RTN2: variants seen among roughly 807,000 people sequenced by gnomAD.
RTN2 encodes reticulon 2.
In RTN2, 36 loss-of-function variants were observed where a neutral mutation model predicts 63.7. The ratio of observed to expected loss-of-function variants is 0.56; its 90% confidence interval spans 0.43 to 0.75. RTN2 has a LOEUF of 0.75. RTN2 is among the 30% of genes least tolerant of loss of function. The pLI, the probability that RTN2 is intolerant of heterozygous loss-of-function variation, is 0.00. For synonymous variants in RTN2, 312 were observed against 313.0 expected (o/e 1.00, Z 0.03); for missense variants, 673 against 705.1 (o/e 0.95, Z 0.52).
chr19:45,491,898 G>C (rs1340211520), intron 5 of RTN2, among the ~76,000 whole-genome samples: 1 of 151,754 alleles, frequency 6.6e-6, no homozygotes, highest in Non-Finnish European at 1.5e-5. Flanking sequence ...CAAAGTGTTG[G>C]GATTACAGGC....
At chr19:45,489,653 C>G in intron 5 of RTN2, 100 bp from the exon 6 acceptor site, 1 of 750,378 alleles carries the variant, frequency 1.3e-6, no homozygotes, top group Non-Finnish European at 2.2e-6. Context: ...CTCGACACAC[C>G]TGTTTGAGCA....
Position 45,486,099 on chromosome 19 carries a change from T to A in RTN2, c.1512A>T (p.Gln504His), listed in dbSNP as rs903167429. Reference sequence around the variant, plus strand: ...ACTGATTGGTCACCAACCCCACATATTGGTCGATCTGAGCCTGGGGAGACC... The same window carrying A: ...ACTGATTGGTCACCAACCCCACATAATGGTCGATCTGAGCCTGGGGAGACC... ...LYRQHQAQIDQYVGLVTNQLS... is the reference protein window; with the variant it reads ...LYRQHQAQIDHYVGLVTNQLS... The change falls in exon 10 of 11, where the codon CAA becomes CAT. Residue 504 changes from glutamine (Q) to histidine (H), a missense_variant. Transcript: ENST00000245923. 1.2e-6 allele frequency: 2 copies of A among 1,613,930 alleles called. No individual in the cohort carries two copies. The highest frequency in any genetic ancestry group is 2.7e-5 in the African/African-American group (2 of 74,888).
chr19:45,494,358 T>G lies in RTN2; in HGVS notation c.622A>C (p.Ser208Arg). Residue 208 changes from serine (S) to arginine (R), a missense_variant, in exon 4 of 11, where the codon AGT becomes CGT. Transcript: ENST00000245923. The surrounding 1 kb of genome is among the most constrained non-coding windows in gnomAD (Gnocchi z 5.3). ...SSPEVLTPQL[S>R]PGSGTPQAGT... ...GCCTGGGGTGTCCCAGAGCCCGGACTGAGCTGGGGAGTCAAGACCTCGGGC... is the reference window on the plus strand; with the variant it reads ...GCCTGGGGTGTCCCAGAGCCCGGACGGAGCTGGGGAGTCAAGACCTCGGGC... 2 of 1,614,100 alleles carry G rather than the reference T, an allele frequency of 1.2e-6. No homozygotes were observed. Among genetic ancestry groups the G allele is most frequent in the South Asian group, 2.2e-5 (2 of 91,082 alleles).
chr19:45,485,476 C>G lies in RTN2; in HGVS notation c.*232G>C, dbSNP rs962213225. ...TAGGCAACTACAAGTCCCAGCAGGC[C>G]CCGCGGCCAAGGTGCCTCGTCTTTC... is the stretch of plus-strand genomic sequence containing the variant. On this transcript the variant is annotated 3_prime_UTR_variant, in exon 11 of 11. Coordinates refer to ENST00000245923, the MANE Select transcript of RTN2 (RefSeq NM_005619.5). 1 of 559,216 alleles carries G rather than the reference C, an allele frequency of 1.8e-6. No homozygotes were observed. Among genetic ancestry groups the G allele is most frequent in the Non-Finnish European group, 3.2e-6 (1 of 311,254 alleles). The allele number at this position is 559,216 out of a possible 1,614,324, so 34.6% of individuals were successfully genotyped here. A position where few individuals can be genotyped will look rare whatever the true frequency, so the allele number is the denominator to read the frequency against.
In RTN2 at chr19:45,494,907, G is replaced by C. The variant is rs1271589894; in HGVS notation, c.178C>G (p.Arg60Gly). The change falls in exon 3 of 11, where the codon CGG becomes GGG. Residue 60 changes from arginine to glycine, a missense_variant. Coordinates refer to ENST00000245923, the MANE Select transcript of RTN2 (RefSeq NM_005619.5). This position sits in a 1 kb window ranked among gnomAD's most constrained non-coding sequence, Gnocchi z 5.3. Reference sequence around the variant, plus strand: ...GCGATGTAGGAGAAGGTCAGCTCCCGGGGGGTGCCCCAGTCCTGCGACGTG... The same window carrying C: ...GCGATGTAGGAGAAGGTCAGCTCCCCGGGGGTGCCCCAGTCCTGCGACGTG... The part of the protein sequence containing the change: ...ETTSQDWGTP[R>G]ELTFSYIAFD... The C allele has an allele frequency of 6.2e-7, 1 of 1,612,242 alleles. No homozygotes were observed. The highest frequency in any genetic ancestry group is 2.2e-5 in the East Asian group (1 of 44,874).
At chr19:45,487,158 T>G (rs1469379876) in intron 9 of RTN2, among the ~76,000 whole-genome samples, 1 of 149,984 alleles carries the variant, frequency 6.7e-6, no homozygotes, top group Non-Finnish European at 1.5e-5. Context: ...ATCCTCTTGC[T>G]TCAGCTTTCA....
At chr19:45,489,591 C>CAAG in intron 5 of RTN2, 38 bp from the exon 6 acceptor site, 1 of 1,475,608 alleles carries the variant, frequency 6.8e-7, no homozygotes, top group Non-Finnish European at 9.3e-7. Flanking sequence ...TTGTACCTGA[C>CAAG]CTGGCTGGTC....
chr19:45,491,049 G>A (rs1409020358), intron 5 of RTN2, among the ~76,000 whole-genome samples: 1 of 151,368 alleles, frequency 6.6e-6, no homozygotes, highest in African/African-American at 2.4e-5. Context: ...ATCATGCCTG[G>A]CTAATTTTTT....
chr19:45,486,195 A>G lies in RTN2; in HGVS notation c.1498-82T>C, dbSNP rs117154304. 4,862 of 1,246,316 alleles carry G rather than the reference A, an allele frequency of 3.9e-3. 15 individuals are homozygous for G. The highest frequency in any genetic ancestry group is 5.1e-3 in the Non-Finnish European group (4,401 of 857,660). The allele number at this position is 1,246,316 out of a possible 1,614,324, so 77.2% of individuals were successfully genotyped here. On this transcript the variant is annotated intron_variant, in intron 9 of 10. Coordinates refer to ENST00000245923, the MANE Select transcript of RTN2 (RefSeq NM_005619.5). ...CACATAGGAGGCTGCTTCCTCCCCAACCTCCAAATTAGGAGTTGTGAAGAG... is the reference window on the plus strand; with the variant it reads ...CACATAGGAGGCTGCTTCCTCCCCAGCCTCCAAATTAGGAGTTGTGAAGAG...
At chr19:45,485,977 G>T in intron 10 of RTN2, 78 bp downstream of exon 10, 2 of 1,431,718 alleles carry the variant, frequency 1.4e-6, no homozygotes, top group Non-Finnish European at 9.8e-7. Flanking sequence ...GGAGATTTGC[G>T]GACAGCGAGA....
Position 45,488,625 on chromosome 19 carries a change from T to A in RTN2, c.1450+12A>T, listed in dbSNP as rs1442627727. The A allele has an allele frequency of 6.2e-7, 1 of 1,613,742 alleles. No homozygotes were observed. Among genetic ancestry groups the A allele is most frequent in the African/African-American group, 1.3e-5 (1 of 74,902 alleles). On this transcript the variant is annotated intron_variant, in intron 8 of 10. Coordinates refer to ENST00000245923, the MANE Select transcript of RTN2 (RefSeq NM_005619.5). ...AAGTCCCCATTTGCCCCTTACGGCC[T>A]TCCCAGCTCACCCAGAATGAGAAGA...
In RTN2 at chr19:45,494,510, A is replaced by T; in HGVS notation, c.559+16T>A. ...CACCCCTCTTGGCTTTGGTCCCAGC[A>T]CCTCGGACATCTCACCTTCCCCAGC... On this transcript the variant is annotated intron_variant, in intron 3 of 10. Coordinates refer to ENST00000245923, the MANE Select transcript of RTN2 (RefSeq NM_005619.5). The surrounding 1 kb of genome is among the most constrained non-coding windows in gnomAD (Gnocchi z 5.3). 6.2e-7 allele frequency: 1 copy of T among 1,610,992 alleles called. No individual in the cohort carries two copies. The highest frequency in any genetic ancestry group is 8.5e-7 in the Non-Finnish European group (1 of 1,177,918).
chr19:45,494,961 C>T lies in RTN2; in HGVS notation c.124G>A (p.Glu42Lys), dbSNP rs1968242633. Residue 42 changes from glutamate to lysine, a missense_variant, in exon 3 of 11, where the codon GAA (glutamate) becomes AAA (lysine). By Grantham distance (56) the Glu-to-Lys change is moderately conservative. Transcript: ENST00000245923. This position sits in a 1 kb window ranked among gnomAD's most constrained non-coding sequence, Gnocchi z 5.3. ...SDFRELHTAR[E>K]FSEEDEEETT... ...TCCTCCTCGTCCTCCTCTGAGAATT[C>T]CCGGGCTGTGTGCAGCTCTCGAAAA... 6.2e-7 allele frequency: 1 copy of T among 1,613,836 alleles called. No individual in the cohort carries two copies. The highest frequency in any genetic ancestry group is 2.2e-5 in the East Asian group (1 of 44,878).
chr19:45,492,820 T>C (rs967936718), intron 5 of RTN2, among the ~76,000 whole-genome samples: 1 of 152,010 alleles, frequency 6.6e-6, no homozygotes, highest in Non-Finnish European at 1.5e-5. Context: ...AGGGGCCAGG[T>C]CGCCTGAGGC....
At chr19:45,490,224 A>T (rs1203558874) in intron 5 of RTN2, among the ~76,000 whole-genome samples, 1 of 151,146 alleles carries the variant, frequency 6.6e-6, no homozygotes, top group Non-Finnish European at 1.5e-5. Flanking sequence ...CTGGTCTCGA[A>T]CTCCTGACCT....
chr19:45,485,640 A>C lies in RTN2; in HGVS notation c.*68T>G. 1 of 1,307,954 alleles carries C rather than the reference A, an allele frequency of 7.6e-7. No individual in the cohort carries two copies. The highest frequency in any genetic ancestry group is 2.3e-5 in the East Asian group (1 of 43,310). The allele number at this position is 1,307,954 out of a possible 1,614,324, so 81.0% of individuals were successfully genotyped here. A position where few individuals can be genotyped will look rare whatever the true frequency, so the allele number is the denominator to read the frequency against. On this transcript the variant is annotated 3_prime_UTR_variant, in exon 11 of 11. Transcript: ENST00000245923. ...AGGAGGGGGGTGGGTGGGAACGGACAAGAGATGGAGGGGGCCAGAGGGCTG... is the reference window on the plus strand; with the variant it reads ...AGGAGGGGGGTGGGTGGGAACGGACCAGAGATGGAGGGGGCCAGAGGGCTG...
chr19:45,490,314 T>A (rs1178028958), intron 5 of RTN2, among the ~76,000 whole-genome samples: 1 of 152,164 alleles, frequency 6.6e-6, no homozygotes, highest in African/African-American at 2.4e-5. Flanking sequence ...TTCATTATTT[T>A]AAAGAGCTGC....
Position 45,494,825 on chromosome 19 carries a change from CG to C in RTN2, c.259del (p.Arg87AlafsTer29). On this transcript the variant is annotated frameshift_variant, in exon 3 of 11. Transcript: ENST00000245923. LOFTEE classifies it high-confidence loss of function. This position sits in a 1 kb window ranked among gnomAD's most constrained non-coding sequence, Gnocchi z 5.3. The stretch of plus-strand genomic sequence containing the variant: ...TTCCGAGACTGAGCGGCCCTGGGGG[CG>C]GGGGCGGCGGGCAGTTGAATCCCTG... ...GRRDSTARRP[R>X]PQGRSVSEPR... The C allele has an allele frequency of 6.2e-7, 1 of 1,603,130 alleles. No individual in the cohort carries two copies. Among genetic ancestry groups the C allele is most frequent in the Middle Eastern group, 1.7e-4 (1 of 6,060 alleles).
Position 45,496,845 on chromosome 19 carries a change from T to A in RTN2, c.-20A>T. On this transcript the variant is annotated 5_prime_UTR_variant, in exon 1 of 11. The change abolishes an upstream ATG in the 5' untranslated region. Coordinates refer to ENST00000245923, the MANE Select transcript of RTN2 (RefSeq NM_005619.5). ...CCCCATGGCCCCCCTCGGGCCTGCATCGGGACCCCCGCCCACTCCGGCTGT... is the reference window on the plus strand; with the variant it reads ...CCCCATGGCCCCCCTCGGGCCTGCAACGGGACCCCCGCCCACTCCGGCTGT... The A allele has an allele frequency of 1.4e-6, 2 of 1,465,904 alleles. No individual in the cohort carries two copies. The highest frequency in any genetic ancestry group is 1.8e-6 in the Non-Finnish European group (2 of 1,095,952). 90.8% of individuals were successfully genotyped at this position (1,465,904 alleles called of 1,614,324 possible).
Sources: gnomAD v4.1 joint callset for allele counts (sites outside exome capture counted in the v4.1 genomes callset) on GRCh38, gnomAD v4.1.1 for gene constraint, Gnocchi (gnomAD v3.1) non-coding constraint, MANE v1.5 for transcripts, NCBI Gene and HGNC (gene_info 2026-07-23, HGNC 2026-07-21) for gene names.